The following IFI44 variants were observed in gnomAD, a reference collection of about 807,000 sequenced individuals.
IFI44 encodes interferon-induced protein 44.
In IFI44, 42 loss-of-function variants were observed where a neutral mutation model predicts 45.0. That is an observed-to-expected ratio of 0.93 (90% confidence interval 0.73 to 1.21). The LOEUF (loss-of-function observed/expected upper bound fraction) is 1.21, where lower values mean the gene tolerates loss of function less well. IFI44 is among the 50% of genes most tolerant of loss of function. IFI44 has a pLI of 0.00. For synonymous variants in IFI44, 221 were observed against 188.6 expected, an observed-to-expected ratio of 1.17 and a Z score of -1.41; for missense variants, 623 against 525.8, an observed-to-expected ratio of 1.18 and a Z score of -1.81.
intron 7 of IFI44, among the ~76,000 whole-genome samples, chr1:78,662,286 G>A (rs1557706913): frequency 1.3e-5 from 2 of 152,280 alleles, no homozygotes; most frequent in East Asian, 1.9e-4. Context: ...ATCTGCCAAC[G>A]TTTATTGACA....
At chr1:78,650,159 T>C in intron 1 of IFI44, 27 bp from the exon 2 acceptor site, 1 of 1,476,302 alleles carries the variant, frequency 6.8e-7, no homozygotes, top group Non-Finnish European at 9.2e-7. Flanking sequence ...TAATATTTAA[T>C]GGAAAATATA....
chr1:78,657,935 T>C (rs1647262482), intron 5 of IFI44, among the ~76,000 whole-genome samples: 1 of 152,118 alleles, frequency 6.6e-6, no homozygotes, highest in Non-Finnish European at 1.5e-5. Flanking sequence ...GTCTTTTTTA[T>C]ATTCTTTTAT....
At chr1:78,663,007 T>A in intron 8 of IFI44, 129 bp downstream of exon 8, 3 of 1,554,700 alleles carry the variant, frequency 1.9e-6, no homozygotes, top group Non-Finnish European at 2.6e-6. Flanking sequence ...GTTCTGCTTT[T>A]TAACCCACTC....
intron 3 of IFI44, among the ~76,000 whole-genome samples, chr1:78,654,577 T>C (rs541345973): frequency 6.6e-6 from 1 of 152,168 alleles, no homozygotes; most frequent in Non-Finnish European, 1.5e-5. Flanking sequence ...AGAGAGTTGC[T>C]GTAGAAGAAG....
At chr1:78,661,557 C>G (rs1647457120) in intron 7 of IFI44, among the ~76,000 whole-genome samples, 1 of 152,002 alleles carries the variant, frequency 6.6e-6, no homozygotes, top group Non-Finnish European at 1.5e-5. Flanking sequence ...CTCTTATCAG[C>G]TACACAGATC....
At chr1:78,661,041 C>T (rs2100473249) in intron 7 of IFI44, among the ~76,000 whole-genome samples, 1 of 152,214 alleles carries the variant, frequency 6.6e-6, no homozygotes. Flanking sequence ...ATAACCTGTA[C>T]ATGTTCAGTA....
intron 7 of IFI44, 95 bp from the exon 8 acceptor site, chr1:78,662,609 A>T: frequency 1.0e-6 from 1 of 958,662 alleles, no homozygotes; most frequent in Non-Finnish European, 1.5e-6. Flanking sequence ...AATTATTGCA[A>T]GTTCCTACAT....
chr1:78,655,571 T>C (rs1647194787), intron 5 of IFI44, 60 bp downstream of exon 5: 3 of 1,417,262 alleles, frequency 2.1e-6, no homozygotes, highest in South Asian at 2.6e-5. Context: ...TTTGTACAAA[T>C]GTATCAGCGT....
chr1:78,655,064 C>G lies in IFI44; in HGVS notation c.545C>G (p.Ser182Cys), dbSNP rs778429610. 1 of 1,613,824 alleles carries G rather than the reference C, an allele frequency of 6.2e-7. No homozygotes were observed. The highest frequency in any genetic ancestry group is 8.5e-7 in the Non-Finnish European group (1 of 1,179,810). The change falls in exon 4 of 9, where the codon TCC becomes TGC. Residue 182 changes from serine (S) to cysteine (C), a missense_variant. Transcript: ENST00000370747. ...SALRTYEPYG[S>C]LVQQIRILLL... The stretch of plus-strand genomic sequence containing the variant: ...TTGAGAACTTATGAACCATATGGAT[C>G]CCTGGTTCAACAAATACGAATTCTG...
chr1:78,663,348 C>A (rs1247026599), intron 8 of IFI44: 1 of 985,214 alleles, frequency 1.0e-6, no homozygotes, highest in Admixed American at 6.2e-5. Flanking sequence ...CCTCTTCATG[C>A]AGTATGGTCA....
At chr1:78,654,407 GTATT>G (rs1016827599) in intron 3 of IFI44, 128 bp downstream of exon 3, 28 of 537,040 alleles carry the variant, frequency 5.2e-5, no homozygotes, top group Admixed American at 1.2e-4. Flanking sequence ...AGAACAAACT[GTATT>G]TATAATCATA....
chr1:78,650,943 A>C lies in IFI44; in HGVS notation c.457+291A>C, dbSNP rs1405133512. Among the ~76,000 whole-genome samples, 3 of 152,218 alleles carry C rather than the reference A, an allele frequency of 2.0e-5. No homozygotes were observed. In the East Asian group the frequency reaches 5.8e-4, roughly 29 times the overall value. The stretch of plus-strand genomic sequence containing the variant: ...TGGAAAATGTGACTTAAGTGAAAAA[A>C]CTTACAACGAAACCAGTTTATTTCC... On this transcript the variant is annotated intron_variant, in intron 2 of 8. Transcript: ENST00000370747.
intron 5 of IFI44, among the ~76,000 whole-genome samples, chr1:78,657,447 T>A (rs1291179155): frequency 6.6e-6 from 1 of 152,122 alleles, no homozygotes; most frequent in South Asian, 2.1e-4. Context: ...TAAAGTGTGT[T>A]TCAATTTAGG....
rs571768664 is a variant in IFI44 at position 78,652,645 on chromosome 1, G to A, written c.458-1598G>A. On this transcript the variant is annotated intron_variant, in intron 2 of 8. Transcript: ENST00000370747. The stretch of plus-strand genomic sequence containing the variant: ...TGATTCACCCTTATTTTTGTACGTA[G>A]CAATAGTTTGTTCCTTTTCATTCAT... Among the ~76,000 whole-genome samples, 7 of 152,276 alleles carry A rather than the reference G, an allele frequency of 4.6e-5. No homozygotes were observed. The South Asian group carries it at 8.3e-4, about 18-fold the overall frequency.
At chr1:78,663,456 T>G (rs1353059157) in intron 8 of IFI44, 1 of 985,296 alleles carries the variant, frequency 1.0e-6, no homozygotes, top group Non-Finnish European at 1.2e-6. Flanking sequence ...TGCTGCTCTG[T>G]TCCATTTAGA....
intron 7 of IFI44, 135 bp from the exon 8 acceptor site, chr1:78,662,569 A>C: frequency 1.1e-5 from 7 of 656,674 alleles, no homozygotes; most frequent in African/African-American, 1.8e-5. Context: ...GTACTTTGTG[A>C]GACCAGATCT....
At position 78,659,447 on chromosome 1, in the gene IFI44, A is replaced by C. The variant is rs368799637; in HGVS notation, c.976A>C (p.Lys326Gln). ...ATACTTCTCCTCTCAGATGATAGTA[A>C]AGATCAAAAGAATTCGAAGGGAGTT... ...IQYFSSQMIVKIKRIRRELVN... is the reference protein window; with the variant it reads ...IQYFSSQMIVQIKRIRRELVN... The change falls in exon 6 of 9, where the codon AAG becomes CAG. Residue 326 changes from lysine to glutamine, a missense_variant. Physicochemically the swap from Lys to Gln is moderately conservative, Grantham distance 53. Transcript: ENST00000370747. 6.2e-7 allele frequency: 1 copy of C among 1,613,286 alleles called. No individual in the cohort carries two copies. The highest frequency in any genetic ancestry group is 2.2e-5 in the East Asian group (1 of 44,802).
At position 78,655,140 on chromosome 1, in the gene IFI44, G is replaced by T; in HGVS notation, c.621G>T (p.Arg207Ser). The T allele has an allele frequency of 6.2e-7, 1 of 1,613,946 alleles. No individual in the cohort carries two copies. Residue 207 changes from arginine (R) to serine (S), a missense_variant, in exon 4 of 9, where the codon AGG becomes AGT. By Grantham distance (110) the Arg-to-Ser change is moderately radical. Transcript: ENST00000370747. ...AGKSSFFNSVRSVFQGHVTHQ... is the reference protein window; with the variant it reads ...AGKSSFFNSVSSVFQGHVTHQ... ...AGTCCAGCTTTTTCAACTCAGTGAG[G>T]TCTGTTTTCCAAGGGCATGTAACGC...
At chr1:78,652,637 T>C (rs565499973) in intron 2 of IFI44, among the ~76,000 whole-genome samples, 3 of 152,356 alleles carry the variant, frequency 2.0e-5, no homozygotes, top group South Asian at 2.1e-4. Context: ...CCCTTATTTT[T>C]GTACGTAGCA....
Sources: gnomAD v4.1 joint callset for allele counts (sites outside exome capture counted in the v4.1 genomes callset) on GRCh38, gnomAD v4.1.1 for gene constraint, MANE v1.5 for transcripts, NCBI Gene and HGNC (gene_info 2026-07-23, HGNC 2026-07-21) for gene names.